The following KCNQ1 variants were observed in gnomAD, a reference collection of about 807,000 sequenced individuals.
The protein encoded by KCNQ1 is potassium voltage-gated channel subfamily KQT member 1.
A neutral mutation model predicts 72.4 loss-of-function variants in KCNQ1; 49 were observed. The observed-to-expected ratio is 0.68, with a 90% CI of 0.54 to 0.86. The LOEUF (loss-of-function observed/expected upper bound fraction) is 0.86. KCNQ1 is among the 40% of genes least tolerant of loss of function. The probability of loss-of-function intolerance (pLI) is 0.00; values close to 1 mark genes in which losing one functional copy is unlikely to be tolerated. For missense variants in KCNQ1, 790 were observed against 945.1 expected (o/e 0.84, Z 2.15); for synonymous variants, 450 against 412.6 (o/e 1.09, Z -1.10).
At chr11:2,609,890 C>G (rs1848950122) in intron 10 of KCNQ1, 1 of 397,938 alleles carries the variant, frequency 2.5e-6, no homozygotes, top group African/African-American at 2.1e-5. Flanking sequence ...CTTTTACTTT[C>G]AGTTGGCATT....
chr11:2,680,766 A>C (rs191701867), intron 11 of KCNQ1: 1 of 394,216 alleles, frequency 2.5e-6, no homozygotes, highest in African/African-American at 2.1e-5. Context: ...CTACTAACCT[A>C]TTCTTCATTT....
At chr11:2,756,975 A>AC (rs1436169452) in intron 11 of KCNQ1, among the ~76,000 whole-genome samples, 4 of 133,720 alleles carry the variant, frequency 3.0e-5, no homozygotes, top group South Asian at 4.6e-4. Context: ...AAAAAAAAAA[A>AC]AAAAAACCCA....
chr11:2,579,353 G>GT lies in KCNQ1; in HGVS notation c.922-4081dup, dbSNP rs957669958. Among the ~76,000 whole-genome samples the GT allele has an allele frequency of 4.6e-5, 7 of 152,196 alleles. No homozygotes were observed. The highest frequency in any genetic ancestry group is 1.7e-4 in the African/African-American group (7 of 41,438). On this transcript the variant is annotated intron_variant, in intron 6 of 15. Coordinates refer to ENST00000155840, the MANE Select transcript of KCNQ1 (RefSeq NM_000218.3). The surrounding 1 kb of genome is among the most constrained non-coding windows in gnomAD (Gnocchi z 6.0). Reference sequence around the variant, plus strand: ...CGGGGGAAACACACTGACCAGTGGGGTGTGCGTTCCCCGCTCGCCCCCACA... The same window carrying GT: ...CGGGGGAAACACACTGACCAGTGGGGTTGTGCGTTCCCCGCTCGCCCCCACA...
In KCNQ1 at chr11:2,471,803, T is replaced by G. The variant is rs887651945; in HGVS notation, c.386+26319T>G. Among the ~76,000 whole-genome samples the G allele has an allele frequency of 2.0e-5, 3 of 151,934 alleles. No homozygotes were observed. Among genetic ancestry groups the G allele is most frequent in the African/African-American group, 7.3e-5 (3 of 41,308 alleles). Reference sequence around the variant, plus strand: ...GTGATTGGGTGTGTGCATGTGTATATAGGTGTGTGTGCACGTGTATGGGTG... The same window carrying G: ...GTGATTGGGTGTGTGCATGTGTATAGAGGTGTGTGTGCACGTGTATGGGTG... On this transcript the variant is annotated intron_variant, in intron 1 of 15. Transcript: ENST00000155840. This position sits in a 1 kb window ranked among gnomAD's most constrained non-coding sequence, Gnocchi z 4.8.
At chr11:2,731,409 G>GGC (rs1225105323) in intron 11 of KCNQ1, among the ~76,000 whole-genome samples, 4 of 152,224 alleles carry the variant, frequency 2.6e-5, no homozygotes, top group African/African-American at 9.7e-5. Flanking sequence ...CTGTGTGTCA[G>GGC]CGGGAGAGGC....
At chr11:2,582,822 C>T (rs1848521437) in intron 6 of KCNQ1, among the ~76,000 whole-genome samples, 1 of 152,150 alleles carries the variant, frequency 6.6e-6, no homozygotes, top group African/African-American at 2.4e-5. Context: ...CTGGAATCCC[C>T]AGGAAGCAAA....
At chr11:2,619,560 A>G (rs1849128722) in intron 10 of KCNQ1, 1 of 398,444 alleles carries the variant, frequency 2.5e-6, no homozygotes, top group African/African-American at 2.1e-5. Context: ...TGTTAAATTT[A>G]GTCTGCCAAT....
chr11:2,674,867 T>C lies in KCNQ1; in HGVS notation c.1514+12786T>C. 2.8e-6 allele frequency: 1 copy of C among 360,050 alleles called. No homozygotes were observed. The highest frequency in any genetic ancestry group is 4.8e-6 in the Non-Finnish European group (1 of 207,084). The allele number at this position is 360,050 out of a possible 1,614,324, so 22.3% of individuals were successfully genotyped here. A position where few individuals can be genotyped will look rare whatever the true frequency, so the allele number is the denominator to read the frequency against. Reference sequence around the variant, plus strand: ...AAAAAAAAAAAAAAAAAAAGCTCACTGGGCACCTTGGCTGCAGGGTCTGAA... The same window carrying C: ...AAAAAAAAAAAAAAAAAAAGCTCACCGGGCACCTTGGCTGCAGGGTCTGAA... On this transcript the variant is annotated intron_variant, in intron 11 of 15. Coordinates refer to ENST00000155840, the MANE Select transcript of KCNQ1 (RefSeq NM_000218.3). This position sits in a 1 kb window ranked among gnomAD's most constrained non-coding sequence, Gnocchi z 5.9.
At chr11:2,619,113 A>G in intron 10 of KCNQ1, 1 of 398,518 alleles carries the variant, frequency 2.5e-6, no homozygotes, top group South Asian at 1.3e-4. Flanking sequence ...GGATCATGTC[A>G]TCTTCATATA....
chr11:2,536,790 C>T lies in KCNQ1; in HGVS notation c.477+8772C>T, dbSNP rs891629768. ...GGACCCCAGGCTGGGCGGCTTAAAC[C>T]GTGGAGGTCGCCCTCTCACAGCTCT... On this transcript the variant is annotated intron_variant, in intron 2 of 15. Coordinates refer to ENST00000155840, the MANE Select transcript of KCNQ1 (RefSeq NM_000218.3). The surrounding 1 kb of genome is among the most constrained non-coding windows in gnomAD (Gnocchi z 7.4). 3.9e-5 allele frequency among the ~76,000 whole-genome samples: 6 copies of T among 152,104 alleles called. No individual in the cohort carries two copies. Among genetic ancestry groups the T allele is most frequent in the African/African-American group, 7.3e-5 (3 of 41,358 alleles).
chr11:2,527,163 C>A (rs1470753363), intron 1 of KCNQ1, among the ~76,000 whole-genome samples: 1 of 152,204 alleles, frequency 6.6e-6, no homozygotes, highest in African/African-American at 2.4e-5. Context: ...GGGTGGGGCT[C>A]TGTGCGCCTT....
At chr11:2,684,636 A>G in intron 11 of KCNQ1, 2 of 398,634 alleles carry the variant, frequency 5.0e-6, no homozygotes, top group Admixed American at 4.4e-5. Flanking sequence ...CCTTCCTTGA[A>G]GAAGGAACAG....
At chr11:2,576,219 C>T (rs1848420862) in intron 6 of KCNQ1, among the ~76,000 whole-genome samples, 1 of 152,218 alleles carries the variant, frequency 6.6e-6, no homozygotes, top group Non-Finnish European at 1.5e-5. Context: ...GGTCCCTCCC[C>T]TTGCCGGCCA....
chr11:2,836,754 C>A (rs945205134), intron 15 of KCNQ1, among the ~76,000 whole-genome samples: 1 of 152,242 alleles, frequency 6.6e-6, no homozygotes, highest in Non-Finnish European at 1.5e-5. Flanking sequence ...TCGTGCTAAA[C>A]CTCGCTGACC....
chr11:2,680,976 G>A (rs1439448312), intron 11 of KCNQ1: 9 of 398,536 alleles, frequency 2.3e-5, no homozygotes, highest in Non-Finnish European at 4.0e-5. Flanking sequence ...AGATTGCACT[G>A]ACCATCATAG....
chr11:2,694,457 C>G, intron 11 of KCNQ1: 1 of 398,626 alleles, frequency 2.5e-6, no homozygotes. Flanking sequence ...AATGACAGCC[C>G]CTCACAACAA....
chr11:2,664,738 C>T lies in KCNQ1; in HGVS notation c.1514+2657C>T, dbSNP rs940229656. 11 of 398,634 alleles carry T rather than the reference C, an allele frequency of 2.8e-5. No individual in the cohort carries two copies. The highest frequency in any genetic ancestry group is 2.1e-4 in the African/African-American group (10 of 48,620). The allele number at this position is 398,634 out of a possible 1,614,324, so 24.7% of individuals were successfully genotyped here. A position where few individuals can be genotyped will look rare whatever the true frequency, so the allele number is the denominator to read the frequency against. ...CACACGCCCTGGTGTGTGTGAGGGACAGGGATGTGTGCTGGGGTCTCACAG... is the reference window on the plus strand; with the variant it reads ...CACACGCCCTGGTGTGTGTGAGGGATAGGGATGTGTGCTGGGGTCTCACAG... On this transcript the variant is annotated intron_variant, in intron 11 of 15. Coordinates refer to ENST00000155840, the MANE Select transcript of KCNQ1 (RefSeq NM_000218.3). The surrounding 1 kb of genome is among the most constrained non-coding windows in gnomAD (Gnocchi z 5.1).
chr11:2,833,800 C>A (rs989856949), intron 15 of KCNQ1, among the ~76,000 whole-genome samples: 1 of 152,202 alleles, frequency 6.6e-6, no homozygotes, highest in Non-Finnish European at 1.5e-5. Context: ...GTGGGACAGG[C>A]AGCTGGGGGA....
chr11:2,551,063 T>C (rs965427002), intron 2 of KCNQ1, among the ~76,000 whole-genome samples: 3 of 152,170 alleles, frequency 2.0e-5, no homozygotes, highest in African/African-American at 7.2e-5. Flanking sequence ...GACTGACTCA[T>C]GCATTTCTTA....
Sources: allele counts gnomAD v4.1 joint callset (sites outside exome capture counted in the v4.1 genomes callset), GRCh38; gene constraint gnomAD v4.1.1; non-coding constraint Gnocchi (gnomAD v3.1); transcripts MANE v1.5; gene names NCBI Gene and HGNC (gene_info 2026-07-23, HGNC 2026-07-21).